Variants in FAM168A observed in about 807,000 individuals in gnomAD.
The protein encoded by FAM168A is protein FAM168A.
In FAM168A, 3 loss-of-function variants were observed where a neutral mutation model predicts 28.5. That is an observed-to-expected ratio of 0.11 (90% confidence interval 0.05 to 0.27). FAM168A has a LOEUF of 0.27. Ranked by LOEUF, FAM168A falls within the 10% of genes least tolerant of loss-of-function variation. The pLI is 1.00. For missense variants in FAM168A, 222 were observed against 311.5 expected (o/e 0.71, Z 2.16); for synonymous variants, 122 against 124.2 (o/e 0.98, Z 0.12).
At chr11:73,474,329 A>ATT (rs553374863) in intron 1 of FAM168A, among the ~76,000 whole-genome samples, 9 of 148,968 alleles carry the variant, frequency 6.0e-5, no homozygotes, top group Admixed American at 6.0e-4. Flanking sequence ...TAAAAAAATG[A>ATT]TTTTTTTTTT....
At chr11:73,484,916 G>A (rs1490265368) in intron 1 of FAM168A, among the ~76,000 whole-genome samples, 1 of 151,736 alleles carries the variant, frequency 6.6e-6, no homozygotes, top group South Asian at 2.1e-4. Flanking sequence ...AGATGTAGCC[G>A]GGGTAAGTCA....
At chr11:73,588,614 C>T (rs774749459) in intron 1 of FAM168A, among the ~76,000 whole-genome samples, 7 of 152,070 alleles carry the variant, frequency 4.6e-5, no homozygotes, top group Non-Finnish European at 7.4e-5. Flanking sequence ...ATTACATGAC[C>T]ACGTGAGCCC....
At chr11:73,492,893 T>C (rs1383862342) in intron 1 of FAM168A, among the ~76,000 whole-genome samples, 1 of 152,154 alleles carries the variant, frequency 6.6e-6, no homozygotes, top group African/African-American at 2.4e-5. Context: ...GAGGCCATTA[T>C]CCTCTATTCA....
At chr11:73,456,683 G>A (rs1867538537) in intron 2 of FAM168A, among the ~76,000 whole-genome samples, 1 of 152,192 alleles carries the variant, frequency 6.6e-6, no homozygotes, top group African/African-American at 2.4e-5. Context: ...TTGTCCATAG[G>A]AATCCTCCAC....
chr11:73,409,399 G>T, intron 6 of FAM168A, 88 bp downstream of exon 6: 1 of 1,545,520 alleles, frequency 6.5e-7, no homozygotes, highest in Non-Finnish European at 8.8e-7. Context: ...CTTGTGCTGT[G>T]CTGCAGCCAA....
intron 1 of FAM168A, among the ~76,000 whole-genome samples, chr11:73,504,262 A>T (rs1855065643): frequency 6.6e-6 from 1 of 152,214 alleles, no homozygotes; most frequent in South Asian, 2.1e-4. Context: ...CGATCTGATA[A>T]AGGTCTAATA....
intron 1 of FAM168A, among the ~76,000 whole-genome samples, chr11:73,501,243 T>C (rs1480909870): frequency 6.6e-6 from 1 of 152,178 alleles, no homozygotes; most frequent in Non-Finnish European, 1.5e-5. Flanking sequence ...ACAATAATAG[T>C]GGGAGACTTT....
At chr11:73,584,355 T>C (rs1282437998) in intron 1 of FAM168A, among the ~76,000 whole-genome samples, 1 of 151,960 alleles carries the variant, frequency 6.6e-6, no homozygotes, top group African/African-American at 2.4e-5. Flanking sequence ...TTTTATTTTT[T>C]TGTAGAGATG....
intron 3 of FAM168A, chr11:73,430,061 G>A (rs966802453): frequency 2.6e-5 from 4 of 152,914 alleles, no homozygotes; most frequent in African/African-American, 9.7e-5. Flanking sequence ...AGCACCAGCT[G>A]AGCATGAGTG....
In FAM168A at chr11:73,409,506, G is replaced by GGTGCCTGCCACCATGCCCATGGCC; in HGVS notation, c.552_575dup (p.Ala185_Thr192dup). 6.2e-7 allele frequency: 1 copy of GGTGCCTGCCACCATGCCCATGGCC among 1,613,916 alleles called. No individual in the cohort carries two copies. On this transcript the variant is annotated inframe_insertion, in exon 6 of 8. Transcript: ENST00000356467. ...CCTCACCTGCTGACATTGCCATGGT[G>GGTGCCTGCCACCATGCCCATGGCC]GTGCCTGCCACCATGCCCATGGCCA...
intron 3 of FAM168A, among the ~76,000 whole-genome samples, chr11:73,421,380 G>C (rs545919641): frequency 2.0e-5 from 3 of 152,194 alleles, no homozygotes; most frequent in Non-Finnish European, 4.4e-5. Context: ...GCTATTGTAG[G>C]CTGACTCTGC....
chr11:73,424,500 C>A (rs180800594), intron 3 of FAM168A, among the ~76,000 whole-genome samples: 5 of 152,198 alleles, frequency 3.3e-5, no homozygotes, highest in South Asian at 2.1e-4. Context: ...CGCTGCCCCC[C>A]CCACCTCTCA....
chr11:73,570,804 T>G (rs1944077448), intron 1 of FAM168A, among the ~76,000 whole-genome samples: 1 of 151,340 alleles, frequency 6.6e-6, no homozygotes, highest in Non-Finnish European at 1.5e-5. Flanking sequence ...TTACAAAGAA[T>G]TATGCAAATA....
intron 1 of FAM168A, among the ~76,000 whole-genome samples, chr11:73,471,109 G>C (rs927854661): frequency 1.3e-5 from 2 of 152,204 alleles, no homozygotes; most frequent in African/African-American, 4.8e-5. Flanking sequence ...CTAGGGAGCT[G>C]CTCAAGGGTA....
chr11:73,482,687 A>C (rs1314608661), intron 1 of FAM168A, among the ~76,000 whole-genome samples: 1 of 151,918 alleles, frequency 6.6e-6, no homozygotes, highest in Non-Finnish European at 1.5e-5. Context: ...ATATGTGTGA[A>C]ATGTCACCTA....
chr11:73,414,620 C>T (rs1866668916), intron 4 of FAM168A, among the ~76,000 whole-genome samples: 2 of 152,200 alleles, frequency 1.3e-5, no homozygotes, highest in Admixed American at 1.3e-4. Flanking sequence ...GTAATGGTAC[C>T]TACTTCATTG....
At chr11:73,445,429 T>C (rs1222773013) in intron 2 of FAM168A, among the ~76,000 whole-genome samples, 11 of 123,354 alleles carry the variant, frequency 8.9e-5, no homozygotes, top group African/African-American at 3.4e-4. Context: ...CTTTTTTTTT[T>C]TTTTTTTTTT....
intron 1 of FAM168A, among the ~76,000 whole-genome samples, chr11:73,512,150 T>C (rs887010510): frequency 6.6e-6 from 1 of 152,114 alleles, no homozygotes; most frequent in Non-Finnish European, 1.5e-5. Context: ...AATGAAAAAA[T>C]GATCACAATA....
intron 1 of FAM168A, among the ~76,000 whole-genome samples, chr11:73,473,591 C>T (rs1867845016): frequency 6.6e-6 from 1 of 152,138 alleles, no homozygotes; most frequent in Admixed American, 6.5e-5. Context: ...CAATGACTTC[C>T]TTGTTGTTCC....
Sources: gnomAD v4.1 joint callset for allele counts (sites outside exome capture counted in the v4.1 genomes callset) on GRCh38, gnomAD v4.1.1 for gene constraint, MANE v1.5 for transcripts, NCBI Gene and HGNC (gene_info 2026-07-23, HGNC 2026-07-21) for gene names.